ZNF600: variants seen among roughly 807,000 people sequenced by gnomAD.
ZNF600 encodes the protein zinc finger protein KR-ZNF1.
Under a neutral mutation model 7.3 loss-of-function variants are expected in ZNF600, and 4 were observed. That is an observed-to-expected ratio of 0.55 (90% CI 0.27 to 1.25). The LOEUF is 1.25. Ranked by LOEUF, ZNF600 falls within the 50% of genes most tolerant of loss-of-function variation. The pLI is 0.12. For synonymous variants in ZNF600, 290 were observed against 308.9 expected (o/e 0.94, Z 0.64); for missense variants, 911 against 922.1 (o/e 0.99, Z 0.16).
chr19:52,799,558 C>A, the ZNF600 span: 1 of 1,502,702 alleles, frequency 6.7e-7, no homozygotes, highest in East Asian at 2.3e-5. Flanking sequence ...TTGTGACTTA[C>A]AAGGGTTGAA....
chr19:52,775,025 A>C (rs1367790881), intron 2 of ZNF600, among the ~76,000 whole-genome samples: 5 of 152,088 alleles, frequency 3.3e-5, no homozygotes, highest in East Asian at 1.9e-4. Context: ...AGATTATTTG[A>C]TGTCAAGAGT....
At chr19:52,785,619 C>T (rs2062757166) in intron 1 of ZNF600, among the ~76,000 whole-genome samples, 1 of 152,078 alleles carries the variant, frequency 6.6e-6, no homozygotes. Context: ...ATTACAGCCT[C>T]TTCTCTTATC....
intron 2 of ZNF600, among the ~76,000 whole-genome samples, 187 bp downstream of exon 4, chr19:52,778,639 G>T (rs1053966387): frequency 6.6e-6 from 1 of 152,116 alleles, no homozygotes; most frequent in Non-Finnish European, 1.5e-5. Context: ...TTCTTCCCAA[G>T]TTCACATCAC....
At chr19:52,829,365 C>G in the ZNF600 span, among the ~76,000 whole-genome samples, 1 of 130,274 alleles carries the variant, frequency 7.7e-6, no homozygotes, top group African/African-American at 2.8e-5. Flanking sequence ...TCCCTCCCCC[C>G]TCCCCCCTAT....
chr19:52,831,301 C>T, the ZNF600 span, among the ~76,000 whole-genome samples: 3 of 151,844 alleles, frequency 2.0e-5, no homozygotes, highest in Non-Finnish European at 2.9e-5. Context: ...ATAATAATGA[C>T]AGGTTTTTTC....
At chr19:52,833,236 G>C in the ZNF600 span, among the ~76,000 whole-genome samples, 2 of 152,166 alleles carry the variant, frequency 1.3e-5, no homozygotes, top group African/African-American at 4.8e-5. Flanking sequence ...CTGACATCCA[G>C]ACATGACCCT....
the ZNF600 span, among the ~76,000 whole-genome samples, chr19:52,829,014 C>G: frequency 6.6e-6 from 1 of 152,066 alleles, no homozygotes; most frequent in Non-Finnish European, 1.5e-5. Context: ...GCGCCTGCCA[C>G]CACGCCTGGC....
At chr19:52,792,850 A>G in the ZNF600 span, among the ~76,000 whole-genome samples, 1 of 151,654 alleles carries the variant, frequency 6.6e-6, no homozygotes, top group Non-Finnish European at 1.5e-5. Flanking sequence ...CTCCTGCCTC[A>G]GCCTCCCGAG....
chr19:52,803,593 C>CG, the ZNF600 span, among the ~76,000 whole-genome samples: 4 of 152,144 alleles, frequency 2.6e-5, no homozygotes. Flanking sequence ...CAGCACACAA[C>CG]ATAAGAACTG....
chr19:52,783,156 A>G (rs7256193), intron 1 of ZNF600, among the ~76,000 whole-genome samples: 8,402 of 151,722 alleles, frequency 0.055, 755 homozygotes, highest in African/African-American at 0.19. Flanking sequence ...CTCTGACGCC[A>G]TCATTATAAA....
At chr19:52,828,562 T>C in the ZNF600 span, among the ~76,000 whole-genome samples, 1 of 152,194 alleles carries the variant, frequency 6.6e-6, no homozygotes, top group Non-Finnish European at 1.5e-5. Context: ...AGCAATTCTA[T>C]ATATACGCAT....
the ZNF600 span, chr19:52,801,310 T>C: frequency 0.3 from 483,467 of 1,613,946 alleles, 78,356 homozygotes; most frequent in East Asian, 0.74. Flanking sequence ...CAACAAATTC[T>C]TTGGGATGTT....
chr19:52,806,939 G>A, the ZNF600 span, among the ~76,000 whole-genome samples: 1 of 152,078 alleles, frequency 6.6e-6, no homozygotes, highest in Non-Finnish European at 1.5e-5. Flanking sequence ...AGAAAGAGCA[G>A]AGAGATAAGC....
the ZNF600 span, among the ~76,000 whole-genome samples, chr19:52,829,070 C>T: frequency 6.6e-6 from 1 of 152,084 alleles, no homozygotes; most frequent in Non-Finnish European, 1.5e-5. Flanking sequence ...TTCACCATGC[C>T]AGCCAGGATG....
At chr19:52,808,847 C>T in the ZNF600 span, among the ~76,000 whole-genome samples, 1 of 151,858 alleles carries the variant, frequency 6.6e-6, no homozygotes, top group East Asian at 1.9e-4. Flanking sequence ...CAAAATTACT[C>T]AAAGTACAAA....
the ZNF600 span, chr19:52,800,873 C>T: frequency 6.2e-7 from 1 of 1,613,972 alleles, no homozygotes; most frequent in Non-Finnish European, 8.5e-7. Context: ...TGTATGGTTT[C>T]CCTCCAGTAT....
the ZNF600 span, among the ~76,000 whole-genome samples, chr19:52,813,180 G>A: frequency 1.4e-5 from 2 of 141,886 alleles, no homozygotes; most frequent in African/African-American, 5.1e-5. Context: ...CTGCTCAGTG[G>A]AGCAATTTAG....
the ZNF600 span, among the ~76,000 whole-genome samples, chr19:52,831,367 T>C: frequency 6.6e-6 from 1 of 152,114 alleles, no homozygotes; most frequent in Admixed American, 6.5e-5. Context: ...TGGAGTGCAG[T>C]GGTGTGATCT....
the ZNF600 span, among the ~76,000 whole-genome samples, chr19:52,828,208 T>C: frequency 6.6e-6 from 1 of 152,002 alleles, no homozygotes; most frequent in Admixed American, 6.6e-5. Context: ...TGCTCCACCA[T>C]GCATGGCTAA....
Sources: gnomAD v4.1 joint callset for allele counts (sites outside exome capture counted in the v4.1 genomes callset) on GRCh38, gnomAD v4.1.1 for gene constraint, MANE v1.5 for transcripts, NCBI Gene and HGNC (gene_info 2026-07-23, HGNC 2026-07-21) for gene names.